The following IL1RAPL1 variants were observed in gnomAD, a reference collection of about 807,000 sequenced individuals.
IL1RAPL1 encodes interleukin-1 receptor accessory protein-like 1.
Under a neutral mutation model 48.4 loss-of-function variants are expected in IL1RAPL1, and 3 were observed. The observed-to-expected ratio is 0.06, with a 90% CI of 0.03 to 0.16. The LOEUF is 0.16. Among genes scored for constraint, IL1RAPL1 ranks in the 10% least tolerant of loss-of-function variants. IL1RAPL1 has a pLI of 1.00. For missense variants in IL1RAPL1, 349 were observed against 530.6 expected (o/e 0.66, Z 3.36); for synonymous variants, 185 against 187.7 (o/e 0.99, Z 0.12).
intron 3 of IL1RAPL1, among the ~76,000 whole-genome samples, chrX:29,323,429 A>T (rs1393496247): frequency 9.4e-6 from 1 of 106,562 alleles, no homozygotes; most frequent in Admixed American, 1.0e-4. Context: ...GACACTGTTC[A>T]TTACTCTGTC....
chrX:29,362,223 T>C (rs1213849939), intron 3 of IL1RAPL1, among the ~76,000 whole-genome samples: 1 of 112,680 alleles, frequency 8.9e-6, no homozygotes, highest in Non-Finnish European at 1.9e-5. Context: ...AATGTATTTC[T>C]TCTTAATGTA....
At chrX:29,584,687 A>G (rs1602310338) in intron 5 of IL1RAPL1, among the ~76,000 whole-genome samples, 1 of 111,704 alleles carries the variant, frequency 9.0e-6, no homozygotes, top group Non-Finnish European at 1.9e-5. Flanking sequence ...ATGAATAGCT[A>G]GGATTACACA....
At chrX:29,567,097 C>T (rs1472101352) in intron 5 of IL1RAPL1, among the ~76,000 whole-genome samples, 1 of 110,694 alleles carries the variant, frequency 9.0e-6, no homozygotes, top group East Asian at 2.8e-4. Flanking sequence ...AGAGTAGAGT[C>T]CACTGTTTAA....
rs756413163 is a variant in IL1RAPL1, at chrX:29,485,472, T to G, written c.703+86164T>G. On this transcript the variant is annotated intron_variant, in intron 5 of 10. Transcript: ENST00000378993. The stretch of plus-strand genomic sequence containing the variant: ...CTCTGCAAGGTATGTAGTACTATTC[T>G]TCCTCCTAGGTAGCCTGAGTCAGTG... 1.3e-4 allele frequency among the ~76,000 whole-genome samples: 14 copies of G among 111,424 alleles called. No homozygotes were observed. In the South Asian group the frequency reaches 5.4e-3, roughly 43 times the overall value.
intron 5 of IL1RAPL1, among the ~76,000 whole-genome samples, chrX:29,485,893 A>G (rs1935089952): frequency 9.0e-6 from 1 of 111,049 alleles, no homozygotes; most frequent in African/African-American, 3.3e-5. Context: ...GCATCCCCAA[A>G]TCTGCTCAAC....
At position 29,307,403 on chromosome X, in the gene IL1RAPL1, T is replaced by C. The variant is rs777151388; in HGVS notation, c.362+24186T>C. On this transcript the variant is annotated intron_variant, in intron 3 of 10. Transcript: ENST00000378993. ...AGTGTTCAATATTTATGAATAAAAT[T>C]ATGAAGATAATCATGTAAAAACAGC... 6.0e-4 allele frequency among the ~76,000 whole-genome samples: 67 copies of C among 111,759 alleles called. 1 individual carries two copies. The highest frequency in any genetic ancestry group is 2.1e-3 in the African/African-American group (64 of 30,795).
chrX:29,393,411 G>A (rs993827171), intron 3 of IL1RAPL1, among the ~76,000 whole-genome samples: 7 of 111,962 alleles, frequency 6.3e-5, no homozygotes, highest in Non-Finnish European at 7.5e-5. Context: ...TTGAGCCACC[G>A]CGCCCTGCCA....
chrX:29,576,323 C>T (rs1350290824), intron 5 of IL1RAPL1, among the ~76,000 whole-genome samples: 5 of 111,861 alleles, frequency 4.5e-5, no homozygotes, highest in Non-Finnish European at 9.4e-5. Flanking sequence ...TAGCCCTTGA[C>T]CTTATAATTC....
intron 1 of IL1RAPL1, chrX:28,659,366 C>T: frequency 1.8e-6 from 1 of 551,289 alleles, no homozygotes; most frequent in Non-Finnish European, 3.3e-6. Flanking sequence ...TTTCTCCACC[C>T]CTCCAGTAGA....
intron 2 of IL1RAPL1, among the ~76,000 whole-genome samples, chrX:29,109,317 A>G (rs1174464805): frequency 9.9e-6 from 1 of 100,515 alleles, no homozygotes; most frequent in Non-Finnish European, 2.0e-5. Context: ...TTTTTTGTAG[A>G]AAATAAAACC....
chrX:28,821,467 C>T (rs762050302), intron 2 of IL1RAPL1, among the ~76,000 whole-genome samples: 2 of 111,187 alleles, frequency 1.8e-5, no homozygotes, highest in East Asian at 5.7e-4. Context: ...TTTTAAGTTT[C>T]CCAAAGACAT....
intron 2 of IL1RAPL1, among the ~76,000 whole-genome samples, chrX:29,228,925 C>G (rs957285368): frequency 3.6e-5 from 4 of 111,064 alleles, no homozygotes; most frequent in Non-Finnish European, 5.7e-5. Context: ...CACTTCTCAG[C>G]CCACTCTGGA....
At chrX:28,616,400 G>A (rs777350000) in intron 1 of IL1RAPL1, among the ~76,000 whole-genome samples, 3 of 110,624 alleles carry the variant, frequency 2.7e-5, no homozygotes, top group Admixed American at 9.6e-5. Context: ...ATTTAAAAGC[G>A]TGAAGGTTTC....
rs761864372 is a variant in IL1RAPL1 at position 28,934,000 on chromosome X, C to T, written c.82+144575C>T. Among the ~76,000 whole-genome samples the T allele has an allele frequency of 2.9e-3, 328 of 111,273 alleles. 3 individuals are homozygous for T. Among genetic ancestry groups the T allele is most frequent in the African/African-American group, 9.9e-3 (305 of 30,664 alleles). ...CAGAAGTCATTTTCATTGCCATCTT[C>T]GGTTTGGTGGGTGTTGGCCAGCTTC... is the stretch of plus-strand genomic sequence containing the variant. On this transcript the variant is annotated intron_variant, in intron 2 of 10. Transcript: ENST00000378993.
At chrX:28,624,353 T>G (rs1335312978) in intron 1 of IL1RAPL1, among the ~76,000 whole-genome samples, 1 of 111,721 alleles carries the variant, frequency 9.0e-6, no homozygotes, top group Non-Finnish European at 1.9e-5. Context: ...ACAGCATTAC[T>G]TTTGATGAAA....
At chrX:29,361,980 T>C (rs1933382782) in intron 3 of IL1RAPL1, among the ~76,000 whole-genome samples, 1 of 112,185 alleles carries the variant, frequency 8.9e-6, no homozygotes. Context: ...AGAGAGCTTA[T>C]TAAGCTGAAA....
intron 2 of IL1RAPL1, among the ~76,000 whole-genome samples, chrX:29,018,441 T>G (rs187338659): frequency 8.9e-6 from 1 of 112,012 alleles, no homozygotes; most frequent in African/African-American, 3.2e-5. Context: ...TCTGGAAACA[T>G]TCAGGAGGAG....
intron 1 of IL1RAPL1, among the ~76,000 whole-genome samples, chrX:28,679,090 C>G (rs1415694237): frequency 2.7e-5 from 3 of 111,961 alleles, no homozygotes; most frequent in Non-Finnish European, 5.6e-5. Flanking sequence ...CACATCCTCT[C>G]CAACACTTGA....
chrX:28,821,510 A>T (rs1936937251), intron 2 of IL1RAPL1, among the ~76,000 whole-genome samples: 1 of 111,812 alleles, frequency 8.9e-6, no homozygotes. Flanking sequence ...TCTAAGCAGT[A>T]TTGTCAGTGT....
Sources: gnomAD v4.1 joint callset for allele counts (sites outside exome capture counted in the v4.1 genomes callset) on GRCh38, gnomAD v4.1.1 for gene constraint, MANE v1.5 for transcripts, NCBI Gene and HGNC (gene_info 2026-07-23, HGNC 2026-07-21) for gene names.